Variants in ECE1 observed in about 807,000 individuals in gnomAD.
ECE1 encodes endothelin converting enzyme 1.
ECE1 carries 35 observed loss-of-function variants against 98.6 expected under a neutral mutation model. The observed-to-expected ratio is 0.35, with a 90% CI of 0.27 to 0.47. The LOEUF (loss-of-function observed/expected upper bound fraction) is 0.47, where lower values mean the gene tolerates loss of function less well. Among genes scored for constraint, ECE1 ranks in the 20% least tolerant of loss-of-function variants. The pLI, the probability that ECE1 is intolerant of heterozygous loss-of-function variation, is 1.00. For synonymous variants in ECE1, 394 were observed against 407.1 expected, an observed-to-expected ratio of 0.97 and a Z score of 0.39; for missense variants, 814 against 1,025.3, an observed-to-expected ratio of 0.79 and a Z score of 2.81.
At chr1:21,239,414 A>G (rs1433541543) in intron 10 of ECE1, among the ~76,000 whole-genome samples, 1 of 152,244 alleles carries the variant, frequency 6.6e-6, no homozygotes, top group Admixed American at 6.5e-5. Flanking sequence ...CAGGTGGTTA[A>G]CAACCACCCA....
intron 11 of ECE1, among the ~76,000 whole-genome samples, chr1:21,237,274 C>T (rs1233471310): frequency 6.6e-6 from 1 of 152,100 alleles, no homozygotes; most frequent in African/African-American, 2.4e-5. Context: ...CGAGGAGCAG[C>T]TTCGGAAATA....
chr1:21,333,433 C>A (rs1453743067), intron 1 of ECE1, among the ~76,000 whole-genome samples: 1 of 152,166 alleles, frequency 6.6e-6, no homozygotes, highest in Non-Finnish European at 1.5e-5. Flanking sequence ...GATGGGCCAA[C>A]CATGGCCCAT....
chr1:21,304,038 G>A (rs1210244843), intron 1 of ECE1, among the ~76,000 whole-genome samples: 3 of 150,476 alleles, frequency 2.0e-5, no homozygotes, highest in African/African-American at 4.9e-5. Flanking sequence ...AAAAAGGGCC[G>A]GGCGCAGTGG....
chr1:21,320,407 G>A (rs1282395396), intron 1 of ECE1, among the ~76,000 whole-genome samples: 1 of 134,210 alleles, frequency 7.5e-6, no homozygotes, highest in African/African-American at 3.3e-5. Context: ...AGGTGCTGGA[G>A]AAATAAGCTT....
chr1:21,244,001 G>A (rs1415997029), intron 10 of ECE1, among the ~76,000 whole-genome samples: 1 of 152,188 alleles, frequency 6.6e-6, no homozygotes, highest in Non-Finnish European at 1.5e-5. Context: ...TCCAGGGCTC[G>A]AAGCAGGAGC....
chr1:21,231,998 A>G (rs957334583), intron 14 of ECE1, among the ~76,000 whole-genome samples: 21 of 152,260 alleles, frequency 1.4e-4, no homozygotes, highest in Non-Finnish European at 2.1e-4. Context: ...AAATAAAAAC[A>G]TTCAAGCTAA....
chr1:21,302,858 C>A (rs1638516372), intron 1 of ECE1, among the ~76,000 whole-genome samples: 1 of 152,190 alleles, frequency 6.6e-6, no homozygotes, highest in Non-Finnish European at 1.5e-5. Flanking sequence ...AGATGAATCA[C>A]CAGGGGGCAG....
chr1:21,328,719 C>G (rs1218967904), intron 1 of ECE1, among the ~76,000 whole-genome samples: 1 of 147,918 alleles, frequency 6.8e-6, no homozygotes, highest in Non-Finnish European at 1.5e-5. Context: ...GTTGAGGTCA[C>G]TCCACTGTAC....
At chr1:21,337,412 G>A (rs1042556387) in intron 1 of ECE1, among the ~76,000 whole-genome samples, 1 of 152,162 alleles carries the variant, frequency 6.6e-6, no homozygotes, top group Non-Finnish European at 1.5e-5. Context: ...CCTGCTGCAG[G>A]GGACTGATGG....
intron 5 of ECE1, among the ~76,000 whole-genome samples, chr1:21,259,282 T>C (rs2098223855): frequency 6.6e-6 from 1 of 152,150 alleles, no homozygotes; most frequent in African/African-American, 2.4e-5. Context: ...AAAAAATTTT[T>C]TTTGAGATGG....
intron 1 of ECE1, among the ~76,000 whole-genome samples, chr1:21,339,732 T>C (rs926570293): frequency 7.2e-5 from 11 of 152,198 alleles, no homozygotes; most frequent in African/African-American, 1.7e-4. Context: ...GATCCCCACC[T>C]AGCCGATTTC....
intron 2 of ECE1, among the ~76,000 whole-genome samples, chr1:21,283,390 C>T (rs1276493076): frequency 5.9e-5 from 9 of 152,090 alleles, no homozygotes; most frequent in South Asian, 2.1e-4. Flanking sequence ...CCTGCCTCAG[C>T]GTCCCGAGTA....
At position 21,235,999 on chromosome 1, in the gene ECE1, G is replaced by A; in HGVS notation, c.1489-72C>T. 4 of 1,439,886 alleles carry A rather than the reference G, an allele frequency of 2.8e-6. No individual in the cohort carries two copies. The highest frequency in any genetic ancestry group is 3.9e-6 in the Non-Finnish European group (4 of 1,021,224). 89.2% of individuals were successfully genotyped at this position (1,439,886 alleles called of 1,614,324 possible). ...GGCCAGCCTGAGCAACTTGGGTGCT[G>A]GGCTCATAGTCTGGGCCAAGGGGAA... On this transcript the variant is annotated intron_variant, in intron 12 of 18. Coordinates refer to ENST00000374893, the MANE Select transcript of ECE1 (RefSeq NM_001397.3). The surrounding 1 kb of genome is among the most constrained non-coding windows in gnomAD (Gnocchi z 4.2).
Position 21,281,412 on chromosome 1 carries a change from G to A in ECE1, c.139-2080C>T, listed in dbSNP as rs563732284. 1.9e-3 allele frequency among the ~76,000 whole-genome samples: 288 copies of A among 152,324 alleles called. 1 individual carries two copies. Among genetic ancestry groups the A allele is most frequent in the African/African-American group, 6.6e-3 (276 of 41,568 alleles). The stretch of plus-strand genomic sequence containing the variant: ...AAACTTCAGGCTGTGAGGGCCTGGT[G>A]CAGAGAGAGACAGCCTGGTATGATG... On this transcript the variant is annotated intron_variant, in intron 2 of 18. Coordinates refer to ENST00000374893, the MANE Select transcript of ECE1 (RefSeq NM_001397.3).
rs60035909 is a variant in ECE1 at position 21,284,774 on chromosome 1, G to A, written c.138+5296C>T. On this transcript the variant is annotated intron_variant, in intron 2 of 18. Transcript: ENST00000374893. ...GGAGCCAGGTGAAGCCAGGTTTTCA[G>A]AGTCAGGTCGGAAGGGAAGGCAGAA... Among the ~76,000 whole-genome samples the A allele has an allele frequency of 1.2e-3, 184 of 152,344 alleles. 5 individuals carry two copies. The East Asian group carries it at 0.032, about 26-fold the overall frequency.
At chr1:21,246,453 C>G (rs1008635951) in intron 9 of ECE1, among the ~76,000 whole-genome samples, 2 of 145,912 alleles carry the variant, frequency 1.4e-5, no homozygotes, top group Non-Finnish European at 3.0e-5. Flanking sequence ...GAGTTGAGAT[C>G]GCGCCACTGC....
rs1638618199 is a variant in ECE1 at position 21,307,224 on chromosome 1, C to G, written c.4-17068G>C. On this transcript the variant is annotated intron_variant, in intron 1 of 18. Coordinates refer to the ECE1 transcript ENST00000415912. This position sits in a 1 kb window ranked among gnomAD's most constrained non-coding sequence, Gnocchi z 4.2. ...CTGGCTTTAACATTTCCAAAGCGGG[C>G]TCGTTCCCTTTAATTCACTTTTGCT... is the stretch of plus-strand genomic sequence containing the variant. Among the ~76,000 whole-genome samples the G allele has an allele frequency of 1.3e-5, 2 of 152,232 alleles. No individual in the cohort carries two copies. Among genetic ancestry groups the G allele is most frequent in the Non-Finnish European group, 2.9e-5 (2 of 68,042 alleles).
intron 10 of ECE1, among the ~76,000 whole-genome samples, chr1:21,242,437 T>G (rs12744409): frequency 0.025 from 3,830 of 152,166 alleles, 85 homozygotes; most frequent in Non-Finnish European, 0.033. Flanking sequence ...TTAAAAAAAC[T>G]GAGGCTCAGA....
At chr1:21,230,866 A>G (rs1330359070) in intron 14 of ECE1, among the ~76,000 whole-genome samples, 3 of 152,070 alleles carry the variant, frequency 2.0e-5, no homozygotes, top group Admixed American at 6.6e-5. Context: ...AAAAAAAATC[A>G]GGGCCAGTGC....
Sources: allele counts gnomAD v4.1 joint callset (sites outside exome capture counted in the v4.1 genomes callset), GRCh38; gene constraint gnomAD v4.1.1; non-coding constraint Gnocchi (gnomAD v3.1); transcripts MANE v1.5; gene names NCBI Gene and HGNC (gene_info 2026-07-23, HGNC 2026-07-21).